The following HSD17B2 variants were observed in gnomAD, a reference collection of about 807,000 sequenced individuals.
The protein encoded by HSD17B2 is hydroxysteroid 17-beta dehydrogenase 2, also known as 17-beta-hydroxysteroid dehydrogenase type 2.
A neutral mutation model predicts 26.9 loss-of-function variants in HSD17B2; 32 were observed. The ratio of observed to expected loss-of-function variants is 1.19; its 90% CI spans 0.90 to 1.60. HSD17B2 has a LOEUF of 1.60. Ranked by LOEUF, HSD17B2 falls within the 40% of genes most tolerant of loss-of-function variation. The probability of loss-of-function intolerance (pLI) is 0.00; values close to 1 mark genes in which losing one functional copy is unlikely to be tolerated. For synonymous variants in HSD17B2, 246 were observed against 186.7 expected (o/e 1.32, Z -2.59); for missense variants, 613 against 468.6 (o/e 1.31, Z -2.85).
intron 1 of HSD17B2, among the ~76,000 whole-genome samples, chr16:82,064,588 G>A (rs986693931): frequency 6.6e-6 from 1 of 152,190 alleles, no homozygotes; most frequent in Non-Finnish European, 1.5e-5. Context: ...GTTTTCCAAA[G>A]CAAAGATAAC....
chr16:82,059,013 G>C (rs1296568488), intron 1 of HSD17B2, among the ~76,000 whole-genome samples: 1 of 152,148 alleles, frequency 6.6e-6, no homozygotes, highest in African/African-American at 2.4e-5. Context: ...GTCTGGAACA[G>C]TGAACCAGAC....
chr16:82,094,859 A>G (rs761389985), intron 4 of HSD17B2: 2 of 152,200 alleles, frequency 1.3e-5, no homozygotes, highest in Non-Finnish European at 2.9e-5. Flanking sequence ...TAGGCATCAT[A>G]ATAGCCCCAT....
chr16:82,040,875 A>G (rs576172283), intron 1 of HSD17B2, among the ~76,000 whole-genome samples: 1 of 152,344 alleles, frequency 6.6e-6, no homozygotes, highest in African/African-American at 2.4e-5. Context: ...ATTTGTAGAT[A>G]GATGCTGGAG....
At chr16:82,084,875 G>A (rs2142362157) in intron 3 of HSD17B2, among the ~76,000 whole-genome samples, 1 of 152,302 alleles carries the variant, frequency 6.6e-6, no homozygotes, top group South Asian at 2.1e-4. Flanking sequence ...TGGGAATACA[G>A]GCACATGCCA....
Position 82,090,971 on chromosome 16 carries a change from T to A in HSD17B2, c.734T>A (p.Val245Asp), listed in dbSNP as rs1421434745. ...SKAAVTMFSS[V>D]MRLELSKWGI... is the part of the protein sequence containing the mutation. ...GCGGCTGTGACCATGTTCTCATCAGTTATGAGACTGGAGCTTTCCAAGTGG... is the reference window on the plus strand; with the variant it reads ...GCGGCTGTGACCATGTTCTCATCAGATATGAGACTGGAGCTTTCCAAGTGG... Residue 245 changes from valine to aspartate, a missense_variant, in exon 4 of 5, where the codon GTT becomes GAT. Physicochemically the swap from Val to Asp is radical, Grantham distance 152 (BLOSUM62 -3). Transcript: ENST00000199936. 8 of 1,613,894 alleles carry A rather than the reference T, an allele frequency of 5.0e-6. No individual in the cohort carries two copies. The highest frequency in any genetic ancestry group is 6.8e-6 in the Non-Finnish European group (8 of 1,179,924).
intron 3 of HSD17B2, among the ~76,000 whole-genome samples, chr16:82,077,805 G>C (rs143806418): frequency 0.012 from 1,810 of 151,770 alleles, 50 homozygotes; most frequent in African/African-American, 0.042. Context: ...GAAAAGAAAA[G>C]AAAAGAAAAG....
chr16:82,080,834 C>T (rs1904359213), intron 3 of HSD17B2, among the ~76,000 whole-genome samples: 1 of 152,190 alleles, frequency 6.6e-6, no homozygotes, highest in African/African-American at 2.4e-5. Context: ...CACTTTATCG[C>T]ATTCCAAAAA....
chr16:82,067,925 T>C (rs1490588942), intron 1 of HSD17B2, among the ~76,000 whole-genome samples: 1 of 152,180 alleles, frequency 6.6e-6, no homozygotes, highest in African/African-American at 2.4e-5. Flanking sequence ...CCTTTCTCTT[T>C]CCACCTATGC....
At position 82,070,945 on chromosome 16, in the gene HSD17B2, T is replaced by A. The variant is rs972652153; in HGVS notation, c.482T>A (p.Leu161Gln). The A allele has an allele frequency of 5.0e-6, 8 of 1,613,058 alleles. No individual in the cohort carries two copies. The highest frequency in any genetic ancestry group is 1.3e-5 in the African/African-American group (1 of 74,868). The change falls in exon 3 of 5, where the codon CTG becomes CAG. Residue 161 changes from leucine to glutamine, a missense_variant. By Grantham distance (113) the Leu-to-Gln change is moderately radical. Coordinates refer to ENST00000199936, the MANE Select transcript of HSD17B2 (RefSeq NM_002153.3). ...CATTATGGTTTTCTGTCTCCAGGAC[T>A]GTGGGCTGTGATCAACAATGCTGGG... ...KVAAMLQDRG[L>Q]WAVINNAGVL...
intron 1 of HSD17B2, among the ~76,000 whole-genome samples, chr16:82,067,036 A>C (rs1393441766): frequency 9.9e-5 from 15 of 152,228 alleles, no homozygotes; most frequent in Non-Finnish European, 1.5e-5. Flanking sequence ...TTAGTCCTGC[A>C]CATGTTTATC....
At chr16:82,075,721 T>G (rs1348149299) in intron 3 of HSD17B2, among the ~76,000 whole-genome samples, 1 of 152,004 alleles carries the variant, frequency 6.6e-6, no homozygotes, top group East Asian at 1.9e-4. Flanking sequence ...GAAGCAGTAG[T>G]AAAAAGTCTG....
intron 3 of HSD17B2, among the ~76,000 whole-genome samples, chr16:82,079,998 C>T (rs1904337844): frequency 6.6e-6 from 1 of 152,128 alleles, no homozygotes; most frequent in African/African-American, 2.4e-5. Context: ...ACGTGGTTGC[C>T]CTGACCCACC....
At chr16:82,070,705 T>G (rs1274677026) in intron 2 of HSD17B2, 3 of 529,268 alleles carry the variant, frequency 5.7e-6, no homozygotes, top group Non-Finnish European at 1.0e-5. Flanking sequence ...TCTGAAGAGT[T>G]TCTGGAACAG....
In HSD17B2 at chr16:82,068,266, C is replaced by T. The variant is rs1254632271; in HGVS notation, c.362C>T (p.Ala121Val). The T allele has an allele frequency of 1.2e-6, 2 of 1,613,966 alleles. No individual in the cohort carries two copies. The highest frequency in any genetic ancestry group is 2.2e-5 in the East Asian group (1 of 44,852). The change falls in exon 2 of 5, where the codon GCT becomes GTT. Residue 121 changes from alanine to valine, a missense_variant. By Grantham distance (64) the Ala-to-Val change is moderately conservative. Coordinates refer to ENST00000199936, the MANE Select transcript of HSD17B2 (RefSeq NM_002153.3). ...GTTTTGAATGAAAATGGCCCAGGAG[C>T]TGAGGAATTGCGAAGAACCTGCTCT... ...AGVLNENGPG[A>V]EELRRTCSPR...
chr16:82,077,152 A>T (rs143099925), intron 3 of HSD17B2, among the ~76,000 whole-genome samples: 1 of 152,202 alleles, frequency 6.6e-6, no homozygotes, highest in Non-Finnish European at 1.5e-5. Flanking sequence ...TCTTCACAGA[A>T]ATAGAAAAAG....
chr16:82,045,348 C>G (rs1913893811), intron 1 of HSD17B2, among the ~76,000 whole-genome samples: 1 of 151,958 alleles, frequency 6.6e-6, no homozygotes, highest in Non-Finnish European at 1.5e-5. Context: ...AGATATTAGA[C>G]TACTCACTAG....
chr16:82,068,407 C>T (rs761100881), intron 2 of HSD17B2, 25 bp downstream of exon 2: 31 of 1,567,996 alleles, frequency 2.0e-5, no homozygotes, highest in Non-Finnish European at 2.5e-5. Context: ...ACCCTCAGTG[C>T]CTTTACCCTC....
intron 1 of HSD17B2, among the ~76,000 whole-genome samples, chr16:82,041,575 T>C (rs1913766776): frequency 1.3e-5 from 2 of 152,338 alleles, no homozygotes; most frequent in African/African-American, 4.8e-5. Flanking sequence ...CTGAAACTGC[T>C]CTCTAAGTGT....
chr16:82,039,463 A>G (rs570630930), intron 1 of HSD17B2, among the ~76,000 whole-genome samples: 3 of 152,178 alleles, frequency 2.0e-5, no homozygotes, highest in Non-Finnish European at 2.9e-5. Flanking sequence ...TGACAAACAG[A>G]GAGAAGAAGC....
Sources: allele counts gnomAD v4.1 joint callset (sites outside exome capture counted in the v4.1 genomes callset), GRCh38; gene constraint gnomAD v4.1.1; transcripts MANE v1.5; gene names NCBI Gene and HGNC (gene_info 2026-07-23, HGNC 2026-07-21).